The following DAB1 variants were observed in gnomAD, a reference collection of about 807,000 sequenced individuals.
DAB1 encodes the protein disabled homolog 1.
In DAB1, 15 loss-of-function variants were observed where a neutral mutation model predicts 64.6. That is an observed-to-expected ratio of 0.23 (90% confidence interval 0.16 to 0.36). DAB1 has a LOEUF of 0.36. Ranked by LOEUF, DAB1 falls within the 10% of genes least tolerant of loss-of-function variation. The pLI, the probability that DAB1 is intolerant of heterozygous loss-of-function variation, is 1.00. For missense variants in DAB1, 596 were observed against 706.7 expected, an observed-to-expected ratio of 0.84 and a Z score of 1.78; for synonymous variants, 235 against 251.9, an observed-to-expected ratio of 0.93 and a Z score of 0.64.
intron 5 of DAB1, among the ~76,000 whole-genome samples, chr1:58,131,475 A>C (rs373788331): frequency 6.8e-6 from 1 of 146,344 alleles, no homozygotes; most frequent in African/African-American, 2.5e-5. Flanking sequence ...GTCATTCTCC[A>C]TCCAGCTTTG....
chr1:58,361,603 C>T (rs374314071), intron 3 of DAB1, among the ~76,000 whole-genome samples: 3 of 151,986 alleles, frequency 2.0e-5, no homozygotes, highest in South Asian at 2.1e-4. Flanking sequence ...TGTATAGGTT[C>T]GGGGACTTTG....
chr1:57,452,717 T>C (rs1387945860), intron 7 of DAB1, among the ~76,000 whole-genome samples: 1 of 152,108 alleles, frequency 6.6e-6, no homozygotes, highest in Non-Finnish European at 1.5e-5. Context: ...TTCATTCCAT[T>C]TCTGCAGAAA....
At chr1:57,983,443 A>G (rs760827614) in intron 5 of DAB1, among the ~76,000 whole-genome samples, 5 of 152,160 alleles carry the variant, frequency 3.3e-5, no homozygotes, top group Admixed American at 6.5e-5. Context: ...CAGGCGGCCA[A>G]TGAGCTCACT....
intron 6 of DAB1, among the ~76,000 whole-genome samples, chr1:57,721,697 G>A (rs987130242): frequency 6.6e-6 from 1 of 152,190 alleles, no homozygotes; most frequent in African/African-American, 2.4e-5. Context: ...CTTAGGAAAT[G>A]GGACCAGGGC....
rs1190771992 is a variant in DAB1 at position 57,130,455 on chromosome 1, A to C, written c.306+6088T>G. ...ATCAGTGTATTGAAGATCTATCTGC[A>C]CTCCCATGTTCACTGTAGCATTATT... On this transcript the variant is annotated intron_variant, in intron 4 of 14. Coordinates refer to ENST00000371236, the MANE Select transcript of DAB1 (RefSeq NM_001365792.1). Among the ~76,000 whole-genome samples, 4 of 152,102 alleles carry C rather than the reference A, an allele frequency of 2.6e-5. No homozygotes were observed. In the East Asian group the frequency reaches 7.7e-4, roughly 29 times the overall value.
At chr1:58,274,691 T>C (rs1661392286) in intron 4 of DAB1, among the ~76,000 whole-genome samples, 1 of 152,176 alleles carries the variant, frequency 6.6e-6, no homozygotes, top group Non-Finnish European at 1.5e-5. Flanking sequence ...GAGCCAGGTG[T>C]GGGATATAAT....
chr1:58,270,112 GA>G (rs1661278528), intron 4 of DAB1, among the ~76,000 whole-genome samples: 1 of 25,468 alleles, frequency 3.9e-5, no homozygotes. Flanking sequence ...CCTATGTCCT[GA>G]ATGGTAATGC....
intron 6 of DAB1, among the ~76,000 whole-genome samples, chr1:57,760,000 G>T (rs1648998829): frequency 6.6e-6 from 1 of 152,120 alleles, no homozygotes; most frequent in Admixed American, 6.6e-5. Context: ...AAAAGAACAT[G>T]AATAGAAATG....
intron 7 of DAB1, among the ~76,000 whole-genome samples, chr1:57,597,081 C>T (rs1356720857): frequency 8.5e-5 from 13 of 152,198 alleles, no homozygotes; most frequent in Non-Finnish European, 2.9e-5. Context: ...CGCACCAACA[C>T]CCCCGCTCAG....
At chr1:57,829,214 T>C (rs867190826) in intron 1 of DAB1, among the ~76,000 whole-genome samples, 83 of 152,198 alleles carry the variant, frequency 5.5e-4, no homozygotes, top group Middle Eastern at 6.3e-3. Context: ...AAGTGAATTA[T>C]GAGACAGTAT....
chr1:57,164,068 T>C (rs923154743), intron 2 of DAB1, among the ~76,000 whole-genome samples: 3 of 152,148 alleles, frequency 2.0e-5, no homozygotes, highest in African/African-American at 7.2e-5. Context: ...CATTTCCTCA[T>C]TTATCATATG....
At position 58,541,219 on chromosome 1, in the gene DAB1, G is replaced by A. The variant is rs532163295; in HGVS notation, n.32+5484C>T. 2.4e-3 allele frequency among the ~76,000 whole-genome samples: 334 copies of A among 137,166 alleles called. 2 individuals carry two copies. Among genetic ancestry groups the A allele is most frequent in the African/African-American group, 8.0e-3 (300 of 37,384 alleles). 90.0% of individuals were successfully genotyped at this position (137,166 alleles called of 152,430 possible). On this transcript the variant is annotated intron_variant and non_coding_transcript_variant, in intron 1 of 20. Transcript: ENST00000485760. ...TGAGGCAGGAGAATCGCTTGAACCC[G>A]GGAGGCGGAGGTTGCAGTGAGCCGA...
At chr1:58,327,061 C>T (rs1301612860) in intron 4 of DAB1, among the ~76,000 whole-genome samples, 1 of 152,190 alleles carries the variant, frequency 6.6e-6, no homozygotes, top group Non-Finnish European at 1.5e-5. Flanking sequence ...TTTCCCATTA[C>T]TAACTAGTGC....
chr1:57,910,940 G>A (rs1179475443), intron 5 of DAB1, among the ~76,000 whole-genome samples: 1 of 152,140 alleles, frequency 6.6e-6, no homozygotes, highest in African/African-American at 2.4e-5. Context: ...CCTACCTACA[G>A]GGGCAGATGT....
At chr1:57,258,869 G>C (rs1381786942) in intron 2 of DAB1, among the ~76,000 whole-genome samples, 2 of 152,022 alleles carry the variant, frequency 1.3e-5, no homozygotes, top group African/African-American at 4.8e-5. Context: ...TTGGTGAGGA[G>C]GGTGAGTTCT....
intron 1 of DAB1, among the ~76,000 whole-genome samples, chr1:57,414,421 T>C (rs1398908893): frequency 6.6e-6 from 1 of 152,242 alleles, no homozygotes; most frequent in East Asian, 1.9e-4. Flanking sequence ...AGCAATAAAG[T>C]ATTTTCAATT....
At chr1:57,391,234 T>G (rs1057182008) in intron 1 of DAB1, among the ~76,000 whole-genome samples, 2 of 152,108 alleles carry the variant, frequency 1.3e-5, no homozygotes, top group Non-Finnish European at 1.5e-5. Context: ...TTCAAGAAAT[T>G]CAGGCTAAGA....
At chr1:58,269,104 G>C (rs1179848988) in intron 4 of DAB1, among the ~76,000 whole-genome samples, 1 of 149,824 alleles carries the variant, frequency 6.7e-6, no homozygotes, top group African/African-American at 2.5e-5. Flanking sequence ...ATGCTGGTGC[G>C]CTGCACCCAC....
At chr1:58,147,394 G>A (rs183373765) in intron 5 of DAB1, among the ~76,000 whole-genome samples, 9 of 150,810 alleles carry the variant, frequency 6.0e-5, no homozygotes, top group Non-Finnish European at 8.8e-5. Flanking sequence ...CGAGGCAGGC[G>A]GATCACGAGG....
Sources: gnomAD v4.1 joint callset for allele counts (sites outside exome capture counted in the v4.1 genomes callset) on GRCh38, gnomAD v4.1.1 for gene constraint, MANE v1.5 for transcripts, NCBI Gene and HGNC (gene_info 2026-07-23, HGNC 2026-07-21) for gene names.